The following NAALADL2 variants were observed in gnomAD, a reference collection of about 807,000 sequenced individuals.
NAALADL2 encodes the protein inactive N-acetylated-alpha-linked acidic dipeptidase-like protein 2.
A neutral mutation model predicts 87.2 loss-of-function variants in NAALADL2; 76 were observed. That is an observed-to-expected ratio of 0.87 (90% CI 0.72 to 1.05). The LOEUF is 1.05. Ranked by LOEUF, NAALADL2 falls within the 50% of genes least tolerant of loss-of-function variation. The probability of loss-of-function intolerance (pLI) is 0.00; values close to 1 mark genes in which losing one functional copy is unlikely to be tolerated. For missense variants in NAALADL2, 1,089 were observed against 945.8 expected, an observed-to-expected ratio of 1.15 and a Z score of -1.99; for synonymous variants, 354 against 331.0, an observed-to-expected ratio of 1.07 and a Z score of -0.75.
At chr3:175,378,565 G>A (rs1258320119) in intron 5 of NAALADL2, among the ~76,000 whole-genome samples, 2 of 152,174 alleles carry the variant, frequency 1.3e-5, no homozygotes, top group African/African-American at 4.8e-5. Context: ...GAAGTCTCAA[G>A]GGCACCCTTA....
intron 9 of NAALADL2, among the ~76,000 whole-genome samples, chr3:175,525,299 C>G (rs1289908067): frequency 1.3e-5 from 2 of 152,100 alleles, no homozygotes; most frequent in African/African-American, 4.8e-5. Context: ...GTAAGTAGGA[C>G]AAAGCTCAAA....
chr3:175,045,221 TA>T (rs1312008022), intron 1 of NAALADL2, among the ~76,000 whole-genome samples: 2 of 152,150 alleles, frequency 1.3e-5, no homozygotes, highest in Admixed American at 1.3e-4. Context: ...AGTTTAAGTC[TA>T]ACTTTCATAC....
chr3:175,796,030 C>T (rs987701245), intron 13 of NAALADL2, among the ~76,000 whole-genome samples: 1 of 107,192 alleles, frequency 9.3e-6, no homozygotes, highest in African/African-American at 6.3e-5. Context: ...TAACTAACCC[C>T]TTATTGTTCT....
intron 11 of NAALADL2, among the ~76,000 whole-genome samples, chr3:175,724,822 A>T (rs73171449): frequency 0.082 from 12,460 of 152,062 alleles, 538 homozygotes; most frequent in Middle Eastern, 0.096. Context: ...ATATTTTTTA[A>T]AAAACAGAAT....
At chr3:174,473,021 A>G (rs1291420032) in intron 1 of NAALADL2, among the ~76,000 whole-genome samples, 5 of 152,198 alleles carry the variant, frequency 3.3e-5, no homozygotes, top group Non-Finnish European at 7.3e-5. Flanking sequence ...TTGATGTGGT[A>G]TAGTAAAGAG....
At chr3:175,366,027 C>T (rs539095293) in intron 5 of NAALADL2, among the ~76,000 whole-genome samples, 2 of 83,362 alleles carry the variant, frequency 2.4e-5, no homozygotes, top group African/African-American at 8.7e-5. Context: ...CCCCTCCCCC[C>T]ACCCCAGAGT....
At chr3:174,562,814 A>G (rs371234995) in intron 2 of NAALADL2, among the ~76,000 whole-genome samples, 4 of 152,026 alleles carry the variant, frequency 2.6e-5, no homozygotes, top group Non-Finnish European at 5.9e-5. Context: ...TGTAAACATT[A>G]TATTTAGTAA....
rs1337302996 is a variant in NAALADL2, at chr3:174,890,700, C to G, written c.43+31250C>G. ...AAGTGTGAGAACCTTTATATTCCAT[C>G]AAATCATTAACATATGCATAATATC... is the stretch of plus-strand genomic sequence containing the variant. On this transcript the variant is annotated intron_variant, in intron 1 of 13. Transcript: ENST00000454872. 2.0e-5 allele frequency among the ~76,000 whole-genome samples: 3 copies of G among 152,184 alleles called. No individual in the cohort carries two copies. The East Asian group carries it at 5.8e-4, about 29-fold the overall frequency.
intron 10 of NAALADL2, among the ~76,000 whole-genome samples, chr3:175,590,357 A>G (rs1721249365): frequency 6.7e-6 from 1 of 149,048 alleles, no homozygotes; most frequent in African/African-American, 2.5e-5. Context: ...TTTTTTTGGA[A>G]AGAATAGTCG....
At chr3:174,521,595 A>C (rs1720298680) in intron 1 of NAALADL2, among the ~76,000 whole-genome samples, 1 of 147,408 alleles carries the variant, frequency 6.8e-6, no homozygotes, top group East Asian at 2.1e-4. Context: ...AAAAAAAAAA[A>C]AGAAAAGAAA....
chr3:175,196,134 G>T (rs1738963492), intron 2 of NAALADL2, among the ~76,000 whole-genome samples: 1 of 151,830 alleles, frequency 6.6e-6, no homozygotes, highest in Admixed American at 6.6e-5. Flanking sequence ...CAGAAAAAGG[G>T]GTTCTCATTG....
At chr3:175,766,016 A>G (rs575018810) in intron 13 of NAALADL2, among the ~76,000 whole-genome samples, 2 of 152,296 alleles carry the variant, frequency 1.3e-5, no homozygotes, top group South Asian at 4.1e-4. Context: ...TTGCTCAGAA[A>G]TCACCAATAA....
chr3:175,473,562 ATAACT>A (rs939110623), intron 9 of NAALADL2, among the ~76,000 whole-genome samples: 19 of 151,758 alleles, frequency 1.3e-4, no homozygotes, highest in Non-Finnish European at 1.8e-4. Context: ...ATGAATATAA[ATAACT>A]TAATATATAT....
intron 1 of NAALADL2, among the ~76,000 whole-genome samples, chr3:174,467,748 T>C (rs1419590285): frequency 1.3e-5 from 2 of 152,056 alleles, no homozygotes; most frequent in South Asian, 2.1e-4. Context: ...TAAGATTTAT[T>C]CTTATGTGAA....
chr3:174,510,289 A>C (rs1255903244), intron 1 of NAALADL2, among the ~76,000 whole-genome samples: 1 of 152,070 alleles, frequency 6.6e-6, no homozygotes, highest in Non-Finnish European at 1.5e-5. Context: ...TTCTGAAAAA[A>C]GTTTATGTTG....
chr3:174,469,326 C>T (rs934029253), intron 1 of NAALADL2, among the ~76,000 whole-genome samples: 4 of 149,912 alleles, frequency 2.7e-5, no homozygotes, highest in African/African-American at 9.8e-5. Context: ...GGTGTGATCT[C>T]GGCTCACTGC....
rs1043541168 is a variant in NAALADL2 at position 175,097,065 on chromosome 3, A to G, written c.319A>G (p.Ile107Val). 2.5e-6 allele frequency: 4 copies of G among 1,613,780 alleles called. No homozygotes were observed. The highest frequency in any genetic ancestry group is 3.4e-6 in the Non-Finnish European group (4 of 1,179,756). ...GAGACTTCAAGAAGAATCTGACTAC[A>G]TTACCCATTATACACGATCTGCACC... The part of the protein sequence containing the change: ...FQRLQEESDY[I>V]THYTRSAPKS... The change falls in exon 2 of 14, where the codon ATT becomes GTT. Residue 107 changes from isoleucine (I) to valine (V), a missense_variant. Transcript: ENST00000454872.
At chr3:175,802,803 C>A (rs1316989776) in intron 13 of NAALADL2, among the ~76,000 whole-genome samples, 1 of 151,900 alleles carries the variant, frequency 6.6e-6, no homozygotes, top group African/African-American at 2.4e-5. Flanking sequence ...TCATTTCTCT[C>A]TTTCTCATCA....
chr3:175,210,610 C>T (rs922401281), intron 2 of NAALADL2, among the ~76,000 whole-genome samples: 14 of 150,516 alleles, frequency 9.3e-5, no homozygotes, highest in African/African-American at 2.9e-4. Context: ...ATGTGGTAGG[C>T]AGGAGGAAGG....
Sources: allele counts gnomAD v4.1 joint callset (sites outside exome capture counted in the v4.1 genomes callset), GRCh38; gene constraint gnomAD v4.1.1; transcripts MANE v1.5; gene names NCBI Gene and HGNC (gene_info 2026-07-23, HGNC 2026-07-21).